Variants in CSNK1A1 observed in about 807,000 individuals in gnomAD.
CSNK1A1 encodes casein kinase I isoform alpha.
In CSNK1A1, 7 loss-of-function variants were observed where a neutral mutation model predicts 46.1. The ratio of observed to expected loss-of-function variants is 0.15; its 90% CI spans 0.09 to 0.29. The LOEUF is 0.29. Ranked by LOEUF, CSNK1A1 falls within the 10% of genes least tolerant of loss-of-function variation. The pLI, the probability that CSNK1A1 is intolerant of heterozygous loss-of-function variation, is 1.00. For missense variants in CSNK1A1, 96 were observed against 417.1 expected, an observed-to-expected ratio of 0.23 and a Z score of 6.71; for synonymous variants, 137 against 141.5, an observed-to-expected ratio of 0.97 and a Z score of 0.23.
chr5:149,504,573 T>C (rs898540154), intron 9 of CSNK1A1: 6 of 985,384 alleles, frequency 6.1e-6, no homozygotes, highest in Middle Eastern at 5.2e-4. Flanking sequence ...TTAAACTGTA[T>C]AGCAACAGTG....
At chr5:149,545,565 A>C (rs1306535776) in intron 2 of CSNK1A1, 2 of 709,998 alleles carry the variant, frequency 2.8e-6, no homozygotes, top group Admixed American at 1.8e-5. Flanking sequence ...AGGCAAGTCA[A>C]TCGAGTTCGC....
At position 149,505,604 on chromosome 5, in the gene CSNK1A1, CATAAA is replaced by C. The variant is rs1261226215; in HGVS notation, c.858-14_858-10del. 1 of 1,608,432 alleles carries C rather than the reference CATAAA, an allele frequency of 6.2e-7. No individual in the cohort carries two copies. The highest frequency in any genetic ancestry group is 1.7e-5 in the Admixed American group (1 of 59,934). The stretch of plus-strand genomic sequence containing the variant: ...ATTGATGGTTCAGGGTCCTGGAACA[CATAAA>C]ATATTTTATGTTAATCCTTTAATAA... On this transcript the variant is annotated splice_polypyrimidine_tract_variant and intron_variant, in intron 8 of 9. Transcript: ENST00000377843.
At position 149,550,357 on chromosome 5, in the gene CSNK1A1, A is replaced by C. The variant is rs1050945210; in HGVS notation, c.124-176T>G. On this transcript the variant is annotated intron_variant, in intron 1 of 9. Coordinates refer to ENST00000377843, the MANE Select transcript of CSNK1A1 (RefSeq NM_001892.6). This position sits in a 1 kb window ranked among gnomAD's most constrained non-coding sequence, Gnocchi z 4.3. ...GGCAACCAGCCTCAAAGGCCTCTTC[A>C]GGGGGTAGTGACGAAATCCGTACGT... 1 of 1,413,562 alleles carries C rather than the reference A, an allele frequency of 7.1e-7. No individual in the cohort carries two copies. Among genetic ancestry groups the C allele is most frequent in the Non-Finnish European group, 9.2e-7 (1 of 1,088,176 alleles). 87.6% of individuals were successfully genotyped at this position (1,413,562 alleles called of 1,614,324 possible). A position where few individuals can be genotyped will look rare whatever the true frequency, so the allele number is the denominator to read the frequency against.
rs554122474 is a variant in CSNK1A1 at position 149,498,227 on chromosome 5, CTTT to C, written c.1007-1370_1007-1368del. ...ATTTATTTCTTATGCATATATGCCC[CTTT>C]TTTTTTTTGGGAAATAATAGCGAAC... On this transcript the variant is annotated intron_variant, in intron 9 of 9. Coordinates refer to ENST00000377843, the MANE Select transcript of CSNK1A1 (RefSeq NM_001892.6). 1.5e-5 allele frequency: 12 copies of C among 827,412 alleles called. No individual in the cohort carries two copies. The African/African-American group carries it at 2.1e-4, about 14-fold the overall frequency. The allele number at this position is 827,412 out of a possible 1,614,324, so 51.3% of individuals were successfully genotyped here.
intron 2 of CSNK1A1, among the ~76,000 whole-genome samples, chr5:149,530,093 TA>T (rs951335661): frequency 4.0e-5 from 6 of 148,642 alleles, no homozygotes; most frequent in Non-Finnish European, 6.0e-5. Context: ...AAAATAACAG[TA>T]AAAAAAAAAA....
intron 8 of CSNK1A1, among the ~76,000 whole-genome samples, chr5:149,506,248 TTC>T (rs1761020076): frequency 6.6e-6 from 1 of 151,802 alleles, no homozygotes; most frequent in Non-Finnish European, 1.5e-5. Flanking sequence ...TTCTTTGTTT[TTC>T]TCTTTTGAGA....
rs777754880 is a variant in CSNK1A1, at chr5:149,505,501, G to T, written c.952C>A (p.Gln318Lys). The T allele has an allele frequency of 6.2e-7, 1 of 1,614,072 alleles. No homozygotes were observed. Among genetic ancestry groups the T allele is most frequent in the South Asian group, 1.1e-5 (1 of 91,072 alleles). The change falls in exon 9 of 10, where the codon CAG becomes AAG. Residue 318 changes from glutamine to lysine, a missense_variant. By Grantham distance (53) the Gln-to-Lys change is moderately conservative. Transcript: ENST00000377843. ...TGCTTGCCTGTGGGGGTTTGGGCCT[G>T]CTGACCCTGCCCACTGGAAGAGGCT... ...QAASSSGQGQ[Q>K]AQTPTGKQTD...
rs59281087 is a variant in CSNK1A1, at chr5:149,530,965, C to CAAAAAAAA, written c.231-5802_231-5795dup. ...TGGATGACAAAGCGAGACTCTGTCTCAAAAAAAAAAAAAGAACACATAAAC... is the reference window on the plus strand; with the variant it reads ...TGGATGACAAAGCGAGACTCTGTCTCAAAAAAAAAAAAAAAAAAAAAGAACACATAAAC... On this transcript the variant is annotated intron_variant, in intron 2 of 9. Coordinates refer to ENST00000377843, the MANE Select transcript of CSNK1A1 (RefSeq NM_001892.6). Among the ~76,000 whole-genome samples the CAAAAAAAA allele has an allele frequency of 2.4e-4, 20 of 81,732 alleles. 1 individual carries two copies. Among genetic ancestry groups the CAAAAAAAA allele is most frequent in the African/African-American group, 8.3e-4 (15 of 17,966 alleles). The allele number at this position is 81,732 out of a possible 152,430, so 53.6% of individuals were successfully genotyped here.
chr5:149,535,600 C>T (rs746656573), intron 2 of CSNK1A1, among the ~76,000 whole-genome samples: 2 of 152,130 alleles, frequency 1.3e-5, no homozygotes, highest in East Asian at 1.9e-4. Flanking sequence ...AAAATATCTC[C>T]TAATACACTA....
At chr5:149,506,435 C>T (rs1761028491) in intron 8 of CSNK1A1, among the ~76,000 whole-genome samples, 1 of 152,006 alleles carries the variant, frequency 6.6e-6, no homozygotes, top group Admixed American at 6.5e-5. Context: ...TGGGGCTTCA[C>T]CATGTCGGGC....
At chr5:149,547,133 A>T (rs1390067080) in intron 2 of CSNK1A1, among the ~76,000 whole-genome samples, 2 of 152,150 alleles carry the variant, frequency 1.3e-5, no homozygotes. Flanking sequence ...TGGATGCCTT[A>T]CCAAACCAGT....
intron 2 of CSNK1A1, among the ~76,000 whole-genome samples, chr5:149,538,167 C>A (rs543354748): frequency 1.3e-5 from 2 of 152,090 alleles, no homozygotes; most frequent in East Asian, 3.9e-4. Flanking sequence ...GGATTACAGG[C>A]ATGTGCCACC....
intron 6 of CSNK1A1, 60 bp from the exon 7 acceptor site, chr5:149,510,013 G>T: frequency 8.7e-7 from 1 of 1,153,640 alleles, no homozygotes; most frequent in Non-Finnish European, 1.3e-6. Flanking sequence ...AACCATGGTA[G>T]TTTAACGCAC....
intron 6 of CSNK1A1, among the ~76,000 whole-genome samples, 190 bp downstream of exon 6, chr5:149,511,604 T>C (rs1761225946): frequency 6.6e-6 from 1 of 152,210 alleles, no homozygotes; most frequent in Admixed American, 6.5e-5. Flanking sequence ...GTTCTTCAGC[T>C]GAACTAAGTT....
At chr5:149,549,226 G>A (rs1057365903) in intron 2 of CSNK1A1, 18 of 470,310 alleles carry the variant, frequency 3.8e-5, no homozygotes, top group Non-Finnish European at 6.2e-5. Flanking sequence ...CAACTGATAT[G>A]AGTAAATTTT....
chr5:149,542,650 A>G lies in CSNK1A1; in HGVS notation c.230+7425T>C, dbSNP rs1456803404. Among the ~76,000 whole-genome samples the G allele has an allele frequency of 2.3e-3, 14 of 6,102 alleles. 1 individual carries two copies. The highest frequency in any genetic ancestry group is 0.021 in the South Asian group (3 of 140). 4.0% of individuals were successfully genotyped at this position (6,102 alleles called of 152,430 possible). On this transcript the variant is annotated intron_variant, in intron 2 of 9. Transcript: ENST00000377843. ...TATATATATATATATGTATATATAT[A>G]TATATATATATATATATATATGTAT...
intron 2 of CSNK1A1, chr5:149,549,459 C>T (rs946576338): frequency 2.8e-6 from 2 of 702,352 alleles, no homozygotes; most frequent in Non-Finnish European, 5.2e-6. Flanking sequence ...AACCTCCACA[C>T]CGCCTCCTGC....
At position 149,551,052 on chromosome 5, in the gene CSNK1A1, C is replaced by G; in HGVS notation, c.-88G>C. ...CTCGGGGCTCCTACACTAGGCAAGG[C>G]TACGGAGGAGGGCGGCAGGAAACGG... On this transcript the variant is annotated 5_prime_UTR_variant, in exon 1 of 10. Transcript: ENST00000377843. The G allele has an allele frequency of 2.0e-6, 3 of 1,479,038 alleles. No individual in the cohort carries two copies. The highest frequency in any genetic ancestry group is 2.8e-5 in the African/African-American group (2 of 71,564). 91.6% of individuals were successfully genotyped at this position (1,479,038 alleles called of 1,614,324 possible). A position where few individuals can be genotyped will look rare whatever the true frequency, so the allele number is the denominator to read the frequency against.
intron 2 of CSNK1A1, among the ~76,000 whole-genome samples, chr5:149,548,736 C>G (rs1339980435): frequency 6.6e-6 from 1 of 152,138 alleles, no homozygotes; most frequent in Non-Finnish European, 1.5e-5. Context: ...GTAATCCCAG[C>G]TACTCAGGAG....
Sources: gnomAD v4.1 joint callset for allele counts (sites outside exome capture counted in the v4.1 genomes callset) on GRCh38, gnomAD v4.1.1 for gene constraint, Gnocchi (gnomAD v3.1) non-coding constraint, MANE v1.5 for transcripts, NCBI Gene and HGNC (gene_info 2026-07-23, HGNC 2026-07-21) for gene names.